SMG6: variants seen among roughly 807,000 people sequenced by gnomAD.
SMG6 encodes telomerase-binding protein EST1A.
In SMG6, 66 loss-of-function variants were observed where a neutral mutation model predicts 142.2. That is an observed-to-expected ratio of 0.46 (90% confidence interval 0.38 to 0.57). The LOEUF (loss-of-function observed/expected upper bound fraction) is 0.57. Ranked by LOEUF, SMG6 falls within the 20% of genes least tolerant of loss-of-function variation. The pLI, the probability that SMG6 is intolerant of heterozygous loss-of-function variation, is 0.00. For synonymous variants in SMG6, 779 were observed against 702.4 expected (o/e 1.11, Z -1.72); for missense variants, 1,793 against 1,832.0 (o/e 0.98, Z 0.39).
chr17:2,298,406 G>A (rs1045399707), intron 2 of SMG6, among the ~76,000 whole-genome samples: 1 of 152,170 alleles, frequency 6.6e-6, no homozygotes, highest in Admixed American at 6.5e-5. Context: ...AGAAAAAGTA[G>A]GATGCATAAT....
At chr17:2,065,226 T>A in intron 17 of SMG6, 72 bp from the exon 18 acceptor site, 1 of 1,308,684 alleles carries the variant, frequency 7.6e-7, no homozygotes, top group Non-Finnish European at 1.1e-6. Flanking sequence ...GGAGGGATCC[T>A]CTGCCTCGGG....
intron 13 of SMG6, among the ~76,000 whole-genome samples, chr17:2,146,949 G>A (rs1027631378): frequency 6.6e-6 from 1 of 152,218 alleles, no homozygotes; most frequent in African/African-American, 2.4e-5. Flanking sequence ...TTTGAGCTGG[G>A]TAGGGCAGTT....
chr17:2,099,924 G>A lies in SMG6; in HGVS notation c.3358-14023C>T, dbSNP rs574932931. On this transcript the variant is annotated intron_variant, in intron 13 of 18. Coordinates refer to ENST00000263073, the MANE Select transcript of SMG6 (RefSeq NM_017575.5). ...GTCGCCCAGGCTGGAGTGCAGTGGT[G>A]AGATTTCCGCTCACTGCAACCTCTG... is the stretch of plus-strand genomic sequence containing the variant. 8.5e-5 allele frequency among the ~76,000 whole-genome samples: 13 copies of A among 152,220 alleles called. No homozygotes were observed. In the South Asian group the frequency reaches 2.7e-3, roughly 32 times the overall value.
chr17:2,088,329 AG>A, intron 13 of SMG6: 4 of 985,420 alleles, frequency 4.1e-6, no homozygotes, highest in Non-Finnish European at 4.8e-6. Context: ...AGCAGGACCC[AG>A]GGATGTGGAC....
chr17:2,113,465 T>C (rs928819975), intron 13 of SMG6, among the ~76,000 whole-genome samples: 6 of 152,144 alleles, frequency 3.9e-5, no homozygotes, highest in Non-Finnish European at 7.4e-5. Context: ...ACAGCACACA[T>C]CCCTGCTCTC....
chr17:2,259,019 A>C (rs1372071427), intron 8 of SMG6, among the ~76,000 whole-genome samples: 1 of 152,128 alleles, frequency 6.6e-6, no homozygotes, highest in Non-Finnish European at 1.5e-5. Flanking sequence ...CGGAAGTTGC[A>C]GTGAGCAGAG....
chr17:2,212,592 A>T (rs2072898141), intron 10 of SMG6: 1 of 152,234 alleles, frequency 6.6e-6, no homozygotes, highest in African/African-American at 2.4e-5. Flanking sequence ...CCAACCAGTC[A>T]AGAGAAAACA....
At chr17:2,218,322 G>C (rs1427076092) in intron 10 of SMG6, among the ~76,000 whole-genome samples, 1 of 152,104 alleles carries the variant, frequency 6.6e-6, no homozygotes, top group African/African-American at 2.4e-5. Flanking sequence ...GGCTGAGGTG[G>C]GCAGATCACG....
chr17:2,297,451 G>A (rs749814568), intron 3 of SMG6, 98 bp from the exon 4 acceptor site: 7 of 846,328 alleles, frequency 8.3e-6, no homozygotes, highest in South Asian at 1.7e-5. Context: ...TTCTGCTGAT[G>A]TTCAGACATC....
chr17:2,269,361 A>G (rs1567733919), intron 8 of SMG6, among the ~76,000 whole-genome samples: 2 of 151,442 alleles, frequency 1.3e-5, no homozygotes, highest in African/African-American at 4.9e-5. Context: ...GCTGCACTCC[A>G]GCCCAGGGTG....
At chr17:2,266,222 A>C (rs2074420673) in intron 8 of SMG6, 1 of 980,196 alleles carries the variant, frequency 1.0e-6, no homozygotes, top group Admixed American at 6.2e-5. Flanking sequence ...TGGTAACTAA[A>C]GGTCACGTGG....
At chr17:2,289,115 T>G (rs1012125518) in intron 6 of SMG6, among the ~76,000 whole-genome samples, 1 of 145,632 alleles carries the variant, frequency 6.9e-6, no homozygotes, top group Non-Finnish European at 1.5e-5. Context: ...CCAGCTGTGG[T>G]GGCGGGCACC....
intron 13 of SMG6, among the ~76,000 whole-genome samples, chr17:2,102,659 C>T (rs1399224542): frequency 6.7e-6 from 1 of 150,232 alleles, no homozygotes; most frequent in East Asian, 2.0e-4. Flanking sequence ...TTGTGAGTGA[C>T]CACGTCTGAC....
At chr17:2,083,741 T>G (rs1033885816) in intron 14 of SMG6, among the ~76,000 whole-genome samples, 7 of 152,222 alleles carry the variant, frequency 4.6e-5, no homozygotes, top group Admixed American at 2.0e-4. Flanking sequence ...CTGCTCTGAC[T>G]AGGGATATAC....
rs182353092 is a variant in SMG6, at chr17:2,221,946, G to C, written c.2869+14546C>G. Among the ~76,000 whole-genome samples, 109 of 152,294 alleles carry C rather than the reference G, an allele frequency of 7.2e-4. 1 individual carries two copies. The highest frequency in any genetic ancestry group is 1.6e-3 in the Admixed American group (24 of 15,294). On this transcript the variant is annotated intron_variant, in intron 10 of 18. Transcript: ENST00000263073. ...GACAGGGTTTCGCCATGTTGGCCAG[G>C]CTGGTCTTGAATTCCTGAGCTCAAG...
At chr17:2,228,379 C>T (rs1230880654) in intron 10 of SMG6, among the ~76,000 whole-genome samples, 2 of 152,202 alleles carry the variant, frequency 1.3e-5, no homozygotes, top group Non-Finnish European at 2.9e-5. Context: ...CAGGCGCCTG[C>T]CACCGTGCAG....
At chr17:2,193,974 G>A (rs754822020) in intron 10 of SMG6, among the ~76,000 whole-genome samples, 40 of 152,180 alleles carry the variant, frequency 2.6e-4, no homozygotes, top group Non-Finnish European at 4.9e-4. Context: ...GGGATTAGAG[G>A]CACGCACAGT....
intron 8 of SMG6, among the ~76,000 whole-genome samples, chr17:2,256,645 C>A (rs1241001109): frequency 6.6e-6 from 1 of 152,144 alleles, no homozygotes; most frequent in Non-Finnish European, 1.5e-5. Context: ...CATGGTGGCG[C>A]ACACCTGTAG....
intron 12 of SMG6, among the ~76,000 whole-genome samples, chr17:2,180,808 A>G (rs2071782904): frequency 6.6e-6 from 1 of 152,188 alleles, no homozygotes; most frequent in Non-Finnish European, 1.5e-5. Context: ...GGGTTTCTGG[A>G]GGAAAAGCAA....
Sources: gnomAD v4.1 joint callset for allele counts (sites outside exome capture counted in the v4.1 genomes callset) on GRCh38, gnomAD v4.1.1 for gene constraint, MANE v1.5 for transcripts, NCBI Gene and HGNC (gene_info 2026-07-23, HGNC 2026-07-21) for gene names.